PTPN11: variants seen among roughly 807,000 people sequenced by gnomAD.
PTPN11 encodes tyrosine-protein phosphatase non-receptor type 11.
Under a neutral mutation model 78.8 loss-of-function variants are expected in PTPN11, and 6 were observed. The ratio of observed to expected loss-of-function variants is 0.08; its 90% confidence interval spans 0.04 to 0.15. PTPN11 has a LOEUF of 0.15. Among genes scored for constraint, PTPN11 ranks in the 10% least tolerant of loss-of-function variants. The probability of loss-of-function intolerance (pLI) is 1.00; values close to 1 mark genes in which losing one functional copy is unlikely to be tolerated. For synonymous variants in PTPN11, 221 were observed against 263.5 expected, an observed-to-expected ratio of 0.84 and a Z score of 1.56; for missense variants, 386 against 744.8, an observed-to-expected ratio of 0.52 and a Z score of 5.61.
At chr12:112,425,006 G>GTA (rs2037592868) in intron 1 of PTPN11, among the ~76,000 whole-genome samples, 1 of 134,216 alleles carries the variant, frequency 7.5e-6, no homozygotes, top group Non-Finnish European at 1.5e-5. Flanking sequence ...GTGTGTGTGT[G>GTA]TGTATGTAGA....
At chr12:112,419,596 T>G (rs2037488369) in intron 1 of PTPN11, among the ~76,000 whole-genome samples, 1 of 152,194 alleles carries the variant, frequency 6.6e-6, no homozygotes, top group South Asian at 2.1e-4. Context: ...TTTCGTGCAT[T>G]TGGGGACTTC....
At chr12:112,442,078 A>G (rs1321627887) in intron 1 of PTPN11, among the ~76,000 whole-genome samples, 1 of 152,150 alleles carries the variant, frequency 6.6e-6, no homozygotes, top group Non-Finnish European at 1.5e-5. Flanking sequence ...CGCCTGCCCA[A>G]GAATATCTTT....
At chr12:112,441,572 G>A (rs1322690324) in intron 1 of PTPN11, among the ~76,000 whole-genome samples, 2 of 151,832 alleles carry the variant, frequency 1.3e-5, no homozygotes, top group Non-Finnish European at 2.9e-5. Context: ...CTCCTTCACT[G>A]TTGTAAGATA....
chr12:112,469,414 A>G (rs1416976110), intron 6 of PTPN11, among the ~76,000 whole-genome samples: 1 of 151,700 alleles, frequency 6.6e-6, no homozygotes, highest in African/African-American at 2.4e-5. Flanking sequence ...GTAGAATTTG[A>G]TAATATTTCA....
intron 13 of PTPN11, among the ~76,000 whole-genome samples, chr12:112,495,680 C>T (rs889729500): frequency 8.5e-5 from 13 of 152,170 alleles, no homozygotes; most frequent in Non-Finnish European, 1.8e-4. Flanking sequence ...GTCAAAAATG[C>T]ATTTAATGCA....
rs397516801 is a variant in PTPN11, at chr12:112,450,389, A to G, written c.209A>G (p.Lys70Arg). ...GDYYDLYGGE[K>R]FATLAELVQY... is the part of the protein sequence containing the mutation. ...TACTATGACCTGTATGGAGGGGAGA[A>G]ATTTGCCACTTTGGCTGAGTTGGTC... Residue 70 changes from lysine to arginine, a missense_variant, in exon 3 of 16, where the codon AAA (lysine) becomes AGA (arginine). This residue lies in a region of PTPN11 where 279 missense variants were observed against 503.3 expected (regional missense o/e 0.55). Transcript: ENST00000351677. 1.2e-6 allele frequency: 2 copies of G among 1,613,656 alleles called. No individual in the cohort carries two copies. The highest frequency in any genetic ancestry group is 1.3e-5 in the African/African-American group (1 of 75,036).
At chr12:112,484,778 T>C (rs2038648289) in intron 10 of PTPN11, among the ~76,000 whole-genome samples, 2 of 152,014 alleles carry the variant, frequency 1.3e-5, no homozygotes, top group African/African-American at 4.8e-5. Flanking sequence ...TCCCAGCATA[T>C]TGGGAGGCTG....
Position 112,488,536 on chromosome 12 carries a change from G to A in PTPN11, c.1447+26G>A, listed in dbSNP as rs200408121. On this transcript the variant is annotated intron_variant, in intron 12 of 15. Transcript: ENST00000351677. ...GTGGGTCATCTGGTGGGCAAGAAGC[G>A]ACAGTTTCTGTTTTTAGTTTATGGA... 310 of 1,568,968 alleles carry A rather than the reference G, an allele frequency of 2.0e-4. 4 individuals are homozygous for A. The African/African-American group carries it at 3.6e-3, about 18-fold the overall frequency.
In PTPN11 at chr12:112,506,354, T is replaced by C. The variant is rs1406737473; in HGVS notation, c.*562T>C. ...AGAATTAAGCCAGTGCCTGAGACTG[T>C]CAGAAGTTGACCTTTGCACTGGCAT... On this transcript the variant is annotated 3_prime_UTR_variant, in exon 16 of 16. Transcript: ENST00000351677. 6.6e-6 allele frequency: 1 copy of C among 151,754 alleles called. No individual in the cohort carries two copies. The highest frequency in any genetic ancestry group is 6.6e-5 in the Admixed American group (1 of 15,174). The allele number at this position is 151,754 out of a possible 1,614,324, so 9.4% of individuals were successfully genotyped here. A position where few individuals can be genotyped will look rare whatever the true frequency, so the allele number is the denominator to read the frequency against.
At chr12:112,471,740 A>G (rs980037594) in intron 6 of PTPN11, among the ~76,000 whole-genome samples, 2 of 149,210 alleles carry the variant, frequency 1.3e-5, no homozygotes, top group African/African-American at 4.9e-5. Flanking sequence ...ACCATTACCT[A>G]TTTGGTTCTT....
chr12:112,442,830 T>TTATATATATATATA (rs71086107), intron 1 of PTPN11, among the ~76,000 whole-genome samples: 43 of 43,518 alleles, frequency 9.9e-4, no homozygotes, highest in Non-Finnish European at 1.6e-3. Flanking sequence ...CTCTCTCTTT[T>TTATATATATATATA]TATATATATA....
At chr12:112,433,050 G>A (rs948661878) in intron 1 of PTPN11, among the ~76,000 whole-genome samples, 2 of 151,982 alleles carry the variant, frequency 1.3e-5, no homozygotes, top group Non-Finnish European at 1.5e-5. Context: ...TAGTAGAGAT[G>A]GGGTTTCACC....
intron 3 of PTPN11, among the ~76,000 whole-genome samples, chr12:112,451,801 T>C (rs924096434): frequency 4.6e-5 from 7 of 152,258 alleles, no homozygotes; most frequent in Non-Finnish European, 2.9e-5. Context: ...CCTTTTTAAT[T>C]GAGTGTTCAC....
At chr12:112,443,189 T>C (rs1403696406) in intron 1 of PTPN11, among the ~76,000 whole-genome samples, 1 of 151,960 alleles carries the variant, frequency 6.6e-6, no homozygotes. Flanking sequence ...AATATCCTTA[T>C]AGCAAAAGAC....
intron 10 of PTPN11, among the ~76,000 whole-genome samples, chr12:112,484,897 A>G (rs2038649961): frequency 6.6e-6 from 1 of 151,902 alleles, no homozygotes; most frequent in Non-Finnish European, 1.5e-5. Context: ...TAAAAATAAA[A>G]TAAAATAAAA....
At chr12:112,476,987 T>C (rs1013829758) in intron 7 of PTPN11, among the ~76,000 whole-genome samples, 1 of 152,170 alleles carries the variant, frequency 6.6e-6, no homozygotes, top group African/African-American at 2.4e-5. Context: ...TCATGTCATA[T>C]ATGTATACTT....
intron 1 of PTPN11, among the ~76,000 whole-genome samples, chr12:112,423,569 A>G (rs930493382): frequency 1.3e-5 from 2 of 152,084 alleles, no homozygotes; most frequent in African/African-American, 4.8e-5. Flanking sequence ...TATAGGCATG[A>G]GCTACCACAC....
intron 6 of PTPN11, among the ~76,000 whole-genome samples, chr12:112,470,185 G>A (rs976873194): frequency 6.6e-6 from 1 of 152,194 alleles, no homozygotes; most frequent in Admixed American, 6.5e-5. Context: ...GATTAAGTCT[G>A]GGGTAGGACC....
chr12:112,487,287 A>C (rs1168818554), intron 11 of PTPN11, among the ~76,000 whole-genome samples: 2 of 152,002 alleles, frequency 1.3e-5, no homozygotes, highest in East Asian at 3.8e-4. Context: ...GGCATCTGAC[A>C]CTACGCCCGG....
Sources: gnomAD v4.1 joint callset for allele counts (sites outside exome capture counted in the v4.1 genomes callset) on GRCh38, gnomAD v4.1.1 for gene constraint, gnomAD v4.1.1 regional missense constraint, MANE v1.5 for transcripts, NCBI Gene and HGNC (gene_info 2026-07-23, HGNC 2026-07-21) for gene names.